The following COG3 variants were observed in gnomAD, a reference collection of about 807,000 sequenced individuals.
The protein encoded by COG3 is component of oligomeric golgi complex 3, also known as conserved oligomeric Golgi complex subunit 3.
A neutral mutation model predicts 114.1 loss-of-function variants in COG3; 32 were observed. The ratio of observed to expected loss-of-function variants is 0.28; its 90% CI spans 0.21 to 0.38. The LOEUF (loss-of-function observed/expected upper bound fraction) is 0.38, where lower values mean the gene tolerates loss of function less well. Ranked by LOEUF, COG3 falls within the 10% of genes least tolerant of loss-of-function variation. The pLI is 1.00. For missense variants in COG3, 813 were observed against 973.2 expected (o/e 0.84, Z 2.19); for synonymous variants, 352 against 365.7 (o/e 0.96, Z 0.43).
chr13:45,503,864 G>C (rs903915946), intron 14 of COG3, among the ~76,000 whole-genome samples: 3 of 152,118 alleles, frequency 2.0e-5, no homozygotes, highest in African/African-American at 7.2e-5. Context: ...CTTCTAGCTG[G>C]CATAGTGTAT....
Position 45,486,505 on chromosome 13 carries a change from C to A in COG3, c.854C>A (p.Ser285Tyr). 1 of 1,603,200 alleles carries A rather than the reference C, an allele frequency of 6.2e-7. No homozygotes were observed. Among genetic ancestry groups the A allele is most frequent in the Non-Finnish European group, 8.5e-7 (1 of 1,170,078 alleles). Reference protein sequence around the residue: ...TSQLLKRDPSSVPNADNAFTL... With the variant: ...TSQLLKRDPSYVPNADNAFTL... ...CCCATGTTTCTTTAGGATCCTTCATCTGTACCTAATGCAGACAATGCCTTC... is the reference window on the plus strand; with the variant it reads ...CCCATGTTTCTTTAGGATCCTTCATATGTACCTAATGCAGACAATGCCTTC... Residue 285 changes from serine to tyrosine, a missense_variant, in exon 8 of 23, where the codon TCT becomes TAT. Physicochemically the swap from Ser to Tyr is moderately radical, Grantham distance 144. This residue lies in a region of COG3 where 424 missense variants were observed against 430.6 expected (regional missense o/e 0.98). Transcript: ENST00000349995.
intron 16 of COG3, 146 bp downstream of exon 16, chr13:45,512,000 G>T: frequency 1.6e-6 from 1 of 638,318 alleles, no homozygotes; most frequent in South Asian, 1.8e-5. Context: ...GAGAGAAACT[G>T]TTATTTCATT....
chr13:45,533,016 G>T (rs1339758087), intron 22 of COG3, among the ~76,000 whole-genome samples: 2 of 152,058 alleles, frequency 1.3e-5, no homozygotes, highest in Non-Finnish European at 2.9e-5. Flanking sequence ...ACACACGGGG[G>T]TTCAGTCATG....
chr13:45,507,959 C>T (rs944063089), intron 14 of COG3, among the ~76,000 whole-genome samples: 8 of 148,636 alleles, frequency 5.4e-5, no homozygotes, highest in Non-Finnish European at 1.2e-4. Context: ...ATCCCAGCTA[C>T]TCAGGAGGCT....
chr13:45,507,086 T>C (rs1870238502), intron 14 of COG3, among the ~76,000 whole-genome samples: 1 of 152,186 alleles, frequency 6.6e-6, no homozygotes, highest in African/African-American at 2.4e-5. Context: ...TTTGAGGGTT[T>C]GCCCCGGTGA....
At chr13:45,534,586 G>C (rs1873429032) in intron 22 of COG3, 116 bp from the exon 23 acceptor site, 1 of 549,528 alleles carries the variant, frequency 1.8e-6, no homozygotes, top group Non-Finnish European at 3.2e-6. Context: ...TTGTTACCTG[G>C]CTGTATTGCA....
intron 22 of COG3, chr13:45,531,013 T>C (rs1197443221): frequency 1.7e-6 from 2 of 1,147,106 alleles, no homozygotes; most frequent in Admixed American, 4.0e-5. Context: ...CTTTCTGATA[T>C]GAATATTGCT....
chr13:45,534,497 C>CT lies in COG3; in HGVS notation c.2458-194dup, dbSNP rs563869882. ...ATTCTGTTTTTGGGGCTCTAAACAA[C>CT]TTTTTTTTTTTCCATTCTAATTGCT... On this transcript the variant is annotated intron_variant, in intron 22 of 22. Transcript: ENST00000349995. 3,679 of 378,820 alleles carry CT rather than the reference C, an allele frequency of 9.7e-3. 31 individuals carry two copies. The highest frequency in any genetic ancestry group is 0.042 in the African/African-American group (1,980 of 46,674). 23.5% of individuals were successfully genotyped at this position (378,820 alleles called of 1,614,324 possible). A position where few individuals can be genotyped will look rare whatever the true frequency, so the allele number is the denominator to read the frequency against.
intron 22 of COG3, among the ~76,000 whole-genome samples, chr13:45,534,094 G>A (rs912669144): frequency 1.3e-5 from 2 of 152,172 alleles, no homozygotes; most frequent in East Asian, 1.9e-4. Context: ...GTTACAGAGC[G>A]GGCAGGTTGC....
At chr13:45,528,152 A>T (rs946345234) in intron 20 of COG3, among the ~76,000 whole-genome samples, 4 of 152,116 alleles carry the variant, frequency 2.6e-5, no homozygotes, top group Admixed American at 6.5e-5. Flanking sequence ...TATAGTAATT[A>T]AAAAAAATTA....
At chr13:45,504,904 A>C (rs1421615706) in intron 14 of COG3, among the ~76,000 whole-genome samples, 1 of 152,178 alleles carries the variant, frequency 6.6e-6, no homozygotes, top group Non-Finnish European at 1.5e-5. Context: ...AATGGAAAAC[A>C]GGCTGGGTGC....
rs746059625 is a variant in COG3 at position 45,482,385 on chromosome 13, T to C, written c.629T>C (p.Leu210Ser). The change falls in exon 6 of 23, where the codon TTG becomes TCG. Residue 210 changes from leucine (L) to serine (S), a missense_variant. Physicochemically the swap from Leu to Ser is moderately radical, Grantham distance 145. This residue lies in a region of COG3 where 424 missense variants were observed against 430.6 expected (regional missense o/e 0.98). Coordinates refer to ENST00000349995, the MANE Select transcript of COG3 (RefSeq NM_031431.4). Reference sequence around the variant, plus strand: ...TGTTTTCTTTTTCTCTTAAAGAAATTGAATTCCCCTACATTGTCGGTGAAT... The same window carrying C: ...TGTTTTCTTTTTCTCTTAAAGAAATCGAATTCCCCTACATTGTCGGTGAAT... ...FNELETINTK[L>S]NSPTLSVNSD... The C allele has an allele frequency of 2.0e-6, 3 of 1,496,740 alleles. No homozygotes were observed. The South Asian group carries it at 3.6e-5, about 18-fold the overall frequency. The allele number at this position is 1,496,740 out of a possible 1,614,324, so 92.7% of individuals were successfully genotyped here. A position where few individuals can be genotyped will look rare whatever the true frequency, so the allele number is the denominator to read the frequency against.
chr13:45,517,095 G>A (rs1181816363), intron 17 of COG3, among the ~76,000 whole-genome samples: 1 of 152,114 alleles, frequency 6.6e-6, no homozygotes, highest in Non-Finnish European at 1.5e-5. Context: ...CATCCCTCAT[G>A]TCCCTTAATT....
intron 1 of COG3, among the ~76,000 whole-genome samples, chr13:45,469,679 A>G (rs1885352147): frequency 6.6e-6 from 1 of 152,348 alleles, no homozygotes; most frequent in South Asian, 2.1e-4. Context: ...GATGAATTCA[A>G]ACACAAAGCA....
Position 45,534,748 on chromosome 13 carries a change from G to C in COG3, c.*17G>C. 6.4e-7 allele frequency: 1 copy of C among 1,554,874 alleles called. No homozygotes were observed. The highest frequency in any genetic ancestry group is 8.7e-7 in the Non-Finnish European group (1 of 1,149,276). On this transcript the variant is annotated 3_prime_UTR_variant, in exon 23 of 23. Transcript: ENST00000349995. ...TCTAAATAAGCAGGCCAGCCGGGCTGTGCACCTAAATGTCTGTCTGGGAGG... is the reference window on the plus strand; with the variant it reads ...TCTAAATAAGCAGGCCAGCCGGGCTCTGCACCTAAATGTCTGTCTGGGAGG...
Position 45,525,401 on chromosome 13 carries a change from G to A in COG3, c.2230+350G>A, listed in dbSNP as rs535078949. 5.3e-5 allele frequency among the ~76,000 whole-genome samples: 8 copies of A among 152,230 alleles called. No homozygotes were observed. In the South Asian group the frequency reaches 6.2e-4, roughly 12 times the overall value. On this transcript the variant is annotated intron_variant, in intron 20 of 22. Transcript: ENST00000349995. ...GTGGTTGATAGGAAGAAATTATGGC[G>A]AGTGTACCCACTTTCAAGTGTATGA...
intron 22 of COG3, 73 bp from the exon 23 acceptor site, chr13:45,534,629 C>A (rs2137940217): frequency 2.6e-6 from 3 of 1,153,624 alleles, no homozygotes; most frequent in South Asian, 1.5e-5. Context: ...TTGTGGTTCC[C>A]CTCCCTCCTT....
At chr13:45,465,260 C>T (rs777687273) in intron 1 of COG3, 50 bp downstream of exon 1, 44 of 1,595,186 alleles carry the variant, frequency 2.8e-5, no homozygotes, top group Admixed American at 5.1e-5. Context: ...TGGGATTCTC[C>T]TCGGGCGCCC....
In COG3 at chr13:45,511,866, T is replaced by C. The variant is rs1463325024; in HGVS notation, c.1809+12T>C. 1.9e-6 allele frequency: 3 copies of C among 1,596,712 alleles called. No homozygotes were observed. The highest frequency in any genetic ancestry group is 2.6e-6 in the Non-Finnish European group (3 of 1,164,204). ...TCAGCAAAAACAAGGTTTGATGAAG[T>C]GTTAGGTGAAATCCTGTTTCCTGGT... On this transcript the variant is annotated intron_variant, in intron 16 of 22. Coordinates refer to ENST00000349995, the MANE Select transcript of COG3 (RefSeq NM_031431.4).
Sources: allele counts gnomAD v4.1 joint callset (sites outside exome capture counted in the v4.1 genomes callset), GRCh38; gene constraint gnomAD v4.1.1; regional missense constraint gnomAD v4.1.1; transcripts MANE v1.5; gene names NCBI Gene and HGNC (gene_info 2026-07-23, HGNC 2026-07-21).